The following ITGBL1 variants were observed in gnomAD, a reference collection of about 807,000 sequenced individuals.
ITGBL1 encodes the protein integrin beta-like protein 1.
In ITGBL1, 51 loss-of-function variants were observed where a neutral mutation model predicts 68.5. That is an observed-to-expected ratio of 0.74 (90% CI 0.59 to 0.94). The LOEUF is 0.94. ITGBL1 is among the 40% of genes least tolerant of loss of function. ITGBL1 has a pLI of 0.00. For synonymous variants in ITGBL1, 209 were observed against 227.3 expected, an observed-to-expected ratio of 0.92 and a Z score of 0.72; for missense variants, 649 against 647.4, an observed-to-expected ratio of 1.00 and a Z score of -0.03.
At chr13:101,635,024 T>A (rs1344742825) in intron 7 of ITGBL1, among the ~76,000 whole-genome samples, 1 of 151,972 alleles carries the variant, frequency 6.6e-6, no homozygotes, top group African/African-American at 2.4e-5. Context: ...TTTCCTTTTT[T>A]TTTAGCTTTA....
chr13:101,671,019 T>C (rs750219734), intron 7 of ITGBL1, among the ~76,000 whole-genome samples: 33 of 152,222 alleles, frequency 2.2e-4, no homozygotes, highest in Non-Finnish European at 3.8e-4. Context: ...TAATGAACCC[T>C]GCAGAGTTCA....
chr13:101,661,670 C>A (rs905329734), intron 7 of ITGBL1, among the ~76,000 whole-genome samples: 1 of 152,088 alleles, frequency 6.6e-6, no homozygotes, highest in African/African-American at 2.4e-5. Flanking sequence ...TGTAATATAT[C>A]TTTCATCATG....
chr13:101,652,088 ATTATTTAT>A lies in ITGBL1; in HGVS notation c.1016-40482_1016-40475del, dbSNP rs147084268. 4.6e-3 allele frequency among the ~76,000 whole-genome samples: 702 copies of A among 152,056 alleles called. 3 individuals are homozygous for A. Among genetic ancestry groups the A allele is most frequent in the Middle Eastern group, 0.024 (7 of 294 alleles). On this transcript the variant is annotated intron_variant, in intron 7 of 10. Coordinates refer to ENST00000376180, the MANE Select transcript of ITGBL1 (RefSeq NM_004791.3). ...GTTACCATGTGACTTTTTAAAAAAA[ATTATTTAT>A]TTATTTATTTATTTTTAGAGACAGG...
chr13:101,713,378 G>A (rs1051046890), intron 9 of ITGBL1: 1 of 151,984 alleles, frequency 6.6e-6, no homozygotes, highest in South Asian at 2.1e-4. Context: ...TACCAATTCT[G>A]CAGTTTTGTT....
chr13:101,513,939 A>G (rs1027268658), intron 2 of ITGBL1, among the ~76,000 whole-genome samples: 1 of 152,098 alleles, frequency 6.6e-6, no homozygotes, highest in African/African-American at 2.4e-5. Flanking sequence ...AATGAAGTGC[A>G]TATTTAAATA....
chr13:101,597,642 C>T (rs993668063), intron 6 of ITGBL1, among the ~76,000 whole-genome samples: 1 of 151,798 alleles, frequency 6.6e-6, no homozygotes, highest in African/African-American at 2.4e-5. Flanking sequence ...ATGTCTGCCC[C>T]CCTGGGTTCA....
intron 7 of ITGBL1, among the ~76,000 whole-genome samples, chr13:101,610,950 A>C (rs2031098222): frequency 6.6e-6 from 1 of 152,170 alleles, no homozygotes; most frequent in African/African-American, 2.4e-5. Context: ...TTAGAACAAA[A>C]ATAAAAGGAC....
At chr13:101,486,448 C>T (rs1016946266) in intron 2 of ITGBL1, among the ~76,000 whole-genome samples, 1 of 152,014 alleles carries the variant, frequency 6.6e-6, no homozygotes. Context: ...TAAAGAACTT[C>T]ACCTGTTTCC....
intron 2 of ITGBL1, among the ~76,000 whole-genome samples, chr13:101,472,422 C>T (rs187301416): frequency 4.6e-5 from 7 of 152,138 alleles, no homozygotes; most frequent in East Asian, 1.9e-4. Context: ...AATTTTCGTG[C>T]GTTTTCTACC....
In ITGBL1 at chr13:101,675,024, G is replaced by A. The variant is rs78759175; in HGVS notation, c.1016-17561G>A. On this transcript the variant is annotated intron_variant, in intron 7 of 10. Transcript: ENST00000376180. The stretch of plus-strand genomic sequence containing the variant: ...TGTTAGTATCTGTTTGTCTGGAAAA[G>A]TTCTGATTTTTGCCTTCAAATGAAA... Among the ~76,000 whole-genome samples the A allele has an allele frequency of 9.4e-3, 1,429 of 152,086 alleles. 14 individuals carry two copies. The highest frequency in any genetic ancestry group is 0.032 in the African/African-American group (1,341 of 41,506).
chr13:101,478,757 G>A (rs377429144), intron 2 of ITGBL1, among the ~76,000 whole-genome samples: 18 of 151,862 alleles, frequency 1.2e-4, no homozygotes, highest in African/African-American at 4.1e-4. Context: ...GTTAACCAAA[G>A]AAGAGAAAGA....
Position 101,456,699 on chromosome 13 carries a change from G to C in ITGBL1, c.316+2599G>C, listed in dbSNP as rs143882834. On this transcript the variant is annotated intron_variant, in intron 2 of 10. Transcript: ENST00000376180. ...GAAGCCTGAAGCAGGTGGATTACCT[G>C]AGGTCAGGATTCAAGACTAGCCTGG... is the stretch of plus-strand genomic sequence containing the variant. Among the ~76,000 whole-genome samples the C allele has an allele frequency of 7.0e-3, 1,066 of 152,218 alleles. 10 individuals carry two copies. The highest frequency in any genetic ancestry group is 7.4e-3 in the Non-Finnish European group (501 of 68,012).
At chr13:101,478,044 A>G (rs2048562112) in intron 2 of ITGBL1, among the ~76,000 whole-genome samples, 2 of 152,118 alleles carry the variant, frequency 1.3e-5, no homozygotes, top group South Asian at 2.1e-4. Context: ...TAAGAAAACT[A>G]TAGGCCAATA....
chr13:101,604,885 T>TACACACACACACACAC (rs1449617732), intron 7 of ITGBL1, among the ~76,000 whole-genome samples: 18 of 11,916 alleles, frequency 1.5e-3, no homozygotes, highest in Non-Finnish European at 2.2e-3. Context: ...TATATATATA[T>TACACACACACACACAC]ATACACACAC....
intron 2 of ITGBL1, among the ~76,000 whole-genome samples, chr13:101,507,691 G>A (rs768819752): frequency 9.9e-5 from 15 of 151,972 alleles, no homozygotes; most frequent in Non-Finnish European, 1.2e-4. Flanking sequence ...CAGAGCCATT[G>A]GAACAACTGA....
chr13:101,579,707 C>T (rs2050423354), intron 5 of ITGBL1, among the ~76,000 whole-genome samples: 2 of 152,158 alleles, frequency 1.3e-5, no homozygotes, highest in African/African-American at 2.4e-5. Context: ...CCAGACATAG[C>T]ACAGTGCAGC....
At position 101,567,793 on chromosome 13, in the gene ITGBL1, GA is replaced by G. The variant is rs1205556280; in HGVS notation, c.415del (p.Ser139ValfsTer48). 1 of 1,613,306 alleles carries G rather than the reference GA, an allele frequency of 6.2e-7. No homozygotes were observed. Among genetic ancestry groups the G allele is most frequent in the South Asian group, 1.1e-5 (1 of 91,064 alleles). On this transcript the variant is annotated frameshift_variant, in exon 3 of 11. Coordinates refer to ENST00000376180, the MANE Select transcript of ITGBL1 (RefSeq NM_004791.3). LOFTEE classifies it high-confidence loss of function. ...YPTNCDLTKK[K>X]SNQMCKNSQD... ...CAACTAACTGTGACTTGACAAAGAAGAAAAGTAACCAAATGTGCAAGAATTC... is the reference window on the plus strand; with the variant it reads ...CAACTAACTGTGACTTGACAAAGAAGAAAGTAACCAAATGTGCAAGAATTC...
chr13:101,650,883 TA>T (rs1182725189), intron 7 of ITGBL1, among the ~76,000 whole-genome samples: 1 of 152,194 alleles, frequency 6.6e-6, no homozygotes, highest in Non-Finnish European at 1.5e-5. Context: ...CTCCTACTTA[TA>T]AGTGAGAACG....
Position 101,669,564 on chromosome 13 carries a change from G to A in ITGBL1, c.1016-23021G>A, listed in dbSNP as rs1051606825. The stretch of plus-strand genomic sequence containing the variant: ...TTCTAAAATTGAACATTACTATACT[G>A]ATACAAAACCAGAATCTAGTCCTCT... On this transcript the variant is annotated intron_variant, in intron 7 of 10. Coordinates refer to ENST00000376180, the MANE Select transcript of ITGBL1 (RefSeq NM_004791.3). 4.6e-5 allele frequency among the ~76,000 whole-genome samples: 7 copies of A among 152,246 alleles called. No homozygotes were observed. In the South Asian group the frequency reaches 1.5e-3, roughly 32 times the overall value.
Sources: gnomAD v4.1 joint callset for allele counts (sites outside exome capture counted in the v4.1 genomes callset) on GRCh38, gnomAD v4.1.1 for gene constraint, MANE v1.5 for transcripts, NCBI Gene and HGNC (gene_info 2026-07-23, HGNC 2026-07-21) for gene names.